Variants in USP44 observed in about 807,000 individuals in gnomAD.
USP44 encodes the protein ubiquitin specific peptidase 44.
USP44 carries 61 observed loss-of-function variants against 69.0 expected under a neutral mutation model. The observed-to-expected ratio is 0.88, with a 90% CI of 0.72 to 1.09. USP44 has a LOEUF of 1.09. USP44 is among the 50% of genes least tolerant of loss of function. The probability of loss-of-function intolerance (pLI) is 0.00; values close to 1 mark genes in which losing one functional copy is unlikely to be tolerated. For synonymous variants in USP44, 297 were observed against 295.4 expected (o/e 1.01, Z -0.06); for missense variants, 753 against 849.9 (o/e 0.89, Z 1.42).
chr12:95,541,122 AC>A (rs1477387181), intron 1 of USP44, among the ~76,000 whole-genome samples: 2 of 152,142 alleles, frequency 1.3e-5, no homozygotes, highest in African/African-American at 4.8e-5. Context: ...TACTAAAAAT[AC>A]AAAAAATTAG....
chr12:95,548,703 C>T lies in USP44; in HGVS notation c.-71+2569G>A, dbSNP rs546075296. 5 of 152,204 alleles carry T rather than the reference C, an allele frequency of 3.3e-5. No homozygotes were observed. In the East Asian group the frequency reaches 9.7e-4, roughly 30 times the overall value. 9.4% of individuals were successfully genotyped at this position (152,204 alleles called of 1,614,324 possible). ...CTCCCGGCCCCGGGGGCTGCCGTCG[C>T]ACGTCCGCTCCCGCAGGGGTCCTCA... On this transcript the variant is annotated intron_variant, in intron 1 of 5. Transcript: ENST00000258499. This position sits in a 1 kb window ranked among gnomAD's most constrained non-coding sequence, Gnocchi z 4.1.
At position 95,518,067 on chromosome 12, in the gene USP44, C is replaced by T. The variant is rs2076530506; in HGVS notation, c.*87G>A. 1 of 1,446,858 alleles carries T rather than the reference C, an allele frequency of 6.9e-7. No individual in the cohort carries two copies. The allele number at this position is 1,446,858 out of a possible 1,614,324, so 89.6% of individuals were successfully genotyped here. A position where few individuals can be genotyped will look rare whatever the true frequency, so the allele number is the denominator to read the frequency against. On this transcript the variant is annotated 3_prime_UTR_variant, in exon 6 of 6. Transcript: ENST00000258499. Reference sequence around the variant, plus strand: ...TATAAATGTAGTATACACTGATTCACAAGAAAAAATGAAGTTTAAAATGGT... The same window carrying T: ...TATAAATGTAGTATACACTGATTCATAAGAAAAAATGAAGTTTAAAATGGT...
chr12:95,545,292 CA>C (rs1236029686), intron 1 of USP44, among the ~76,000 whole-genome samples: 1 of 146,698 alleles, frequency 6.8e-6, no homozygotes, highest in Non-Finnish European at 1.5e-5. Context: ...TCATTAAAAA[CA>C]AAAACGAAAA....
intron 1 of USP44, among the ~76,000 whole-genome samples, chr12:95,537,550 C>A (rs1352922231): frequency 6.6e-6 from 1 of 152,158 alleles, no homozygotes; most frequent in Non-Finnish European, 1.5e-5. Flanking sequence ...AGCTCCCGAC[C>A]TCGTGACCTG....
chr12:95,545,012 C>T (rs2140377579), intron 1 of USP44, among the ~76,000 whole-genome samples: 1 of 152,244 alleles, frequency 6.6e-6, no homozygotes, highest in East Asian at 1.9e-4. Context: ...AGCCTTTGAA[C>T]TTTGGAACAA....
intron 3 of USP44, among the ~76,000 whole-genome samples, chr12:95,527,465 G>T (rs566512508): frequency 6.6e-6 from 1 of 152,174 alleles, no homozygotes; most frequent in African/African-American, 2.4e-5. Flanking sequence ...ATCAACAGAG[G>T]AAATAAAGAC....
Position 95,533,148 on chromosome 12 carries a change from T to G in USP44, c.1109A>C (p.Gln370Pro), listed in dbSNP as rs1322656991. 4 of 1,614,236 alleles carry G rather than the reference T, an allele frequency of 2.5e-6. No homozygotes were observed. In the South Asian group the frequency reaches 4.4e-5, roughly 18 times the overall value. ...GTACTGTGAAGTTGGCTCCTTTGGC[T>G]GAATAAGTTCCATCTTTCTACCTTT... ...ASKGRKMELI[Q>P]PKEPTSQYIS... The change falls in exon 2 of 6, where the codon CAG becomes CCG. Residue 370 changes from glutamine (Q) to proline (P), a missense_variant. By Grantham distance (76) the Gln-to-Pro change is moderately conservative. Coordinates refer to ENST00000258499, the MANE Select transcript of USP44 (RefSeq NM_032147.5).
intron 1 of USP44, among the ~76,000 whole-genome samples, chr12:95,550,199 A>T (rs913274590): frequency 6.6e-6 from 1 of 151,974 alleles, no homozygotes; most frequent in African/African-American, 2.4e-5. Flanking sequence ...AAAAAAAAAA[A>T]AAAAAATCTG....
intron 1 of USP44, chr12:95,546,707 T>G (rs1198323696): frequency 6.6e-6 from 1 of 152,184 alleles, no homozygotes; most frequent in African/African-American, 2.4e-5. Context: ...AGCACGTGTT[T>G]GTTTTTTTGT....
rs1420005954 is a variant in USP44, at chr12:95,517,600, G to T, written c.*554C>A. ...AGAGCAATTACTAAAGCAATTTTGG[G>T]GTTACATTAACCAAAATAATGTCAA... On this transcript the variant is annotated 3_prime_UTR_variant, in exon 6 of 6. Transcript: ENST00000258499. 6.6e-6 allele frequency: 1 copy of T among 151,988 alleles called. No homozygotes were observed. Among genetic ancestry groups the T allele is most frequent in the Non-Finnish European group, 1.5e-5 (1 of 68,044 alleles). 9.4% of individuals were successfully genotyped at this position (151,988 alleles called of 1,614,324 possible). A position where few individuals can be genotyped will look rare whatever the true frequency, so the allele number is the denominator to read the frequency against.
chr12:95,532,863 A>G lies in USP44; in HGVS notation c.1394T>C (p.Val465Ala), dbSNP rs1195698350. 6.3e-7 allele frequency: 1 copy of G among 1,592,402 alleles called. No homozygotes were observed. The change falls in exon 2 of 6, where the codon GTA becomes GCA. Residue 465 changes from valine to alanine, a missense_variant. Physicochemically the swap from Val to Ala is moderately conservative, Grantham distance 64. Transcript: ENST00000258499. The stretch of plus-strand genomic sequence containing the variant: ...AAGTTGTCCATGAAAAATGTTATTT[A>G]CAACATTCAGAACTTGTTTGATGAG... ...RKLIKQVLNVVNNIFHGQLLS... is the reference protein window; with the variant it reads ...RKLIKQVLNVANNIFHGQLLS...
intron 1 of USP44, among the ~76,000 whole-genome samples, chr12:95,541,652 T>C (rs1011353116): frequency 5.9e-5 from 9 of 152,124 alleles, no homozygotes; most frequent in Admixed American, 2.6e-4. Context: ...ACAAATTTCA[T>C]AATAGTTTGA....
chr12:95,518,706 G>A (rs1319034154), intron 5 of USP44, among the ~76,000 whole-genome samples: 3 of 152,148 alleles, frequency 2.0e-5, no homozygotes, highest in African/African-American at 4.8e-5. Context: ...TTGGAAGGCC[G>A]AGGCAGGCAG....
intron 4 of USP44, among the ~76,000 whole-genome samples, chr12:95,523,217 C>T (rs2076724147): frequency 6.6e-6 from 1 of 152,120 alleles, no homozygotes; most frequent in Admixed American, 6.5e-5. Context: ...TCTGTGGGGG[C>T]CCTCTGGAAA....
At chr12:95,537,647 G>A (rs2077251183) in intron 1 of USP44, among the ~76,000 whole-genome samples, 3 of 152,112 alleles carry the variant, frequency 2.0e-5, no homozygotes, top group Admixed American at 2.0e-4. Context: ...CATCCTTGCA[G>A]AGGTGAAGAA....
At chr12:95,547,368 G>A (rs2077606462) in intron 1 of USP44, among the ~76,000 whole-genome samples, 1 of 152,050 alleles carries the variant, frequency 6.6e-6, no homozygotes, top group Non-Finnish European at 1.5e-5. Context: ...GATAGAATGG[G>A]GAGAGAAAAC....
chr12:95,520,352 C>A (rs1361278701), intron 5 of USP44, among the ~76,000 whole-genome samples: 1 of 150,860 alleles, frequency 6.6e-6, no homozygotes, highest in Non-Finnish European at 1.5e-5. Flanking sequence ...ATTATCCAGG[C>A]ATGGTGGCAT....
intron 1 of USP44, among the ~76,000 whole-genome samples, chr12:95,539,679 A>G (rs1260134718): frequency 6.6e-6 from 1 of 152,214 alleles, no homozygotes; most frequent in Non-Finnish European, 1.5e-5. Flanking sequence ...AGCTCTTCAT[A>G]CTTTTCACAC....
chr12:95,541,784 T>A (rs2077397622), intron 1 of USP44, among the ~76,000 whole-genome samples: 4 of 151,944 alleles, frequency 2.6e-5, no homozygotes, highest in Admixed American at 1.3e-4. Flanking sequence ...CAGCCAAAAG[T>A]CAGCCCCAGC....
Sources: allele counts gnomAD v4.1 joint callset (sites outside exome capture counted in the v4.1 genomes callset), GRCh38; gene constraint gnomAD v4.1.1; non-coding constraint Gnocchi (gnomAD v3.1); transcripts MANE v1.5; gene names NCBI Gene and HGNC (gene_info 2026-07-23, HGNC 2026-07-21).